CWF19L1: variants seen among roughly 807,000 people sequenced by gnomAD.
The protein encoded by CWF19L1 is CWF19 like cell cycle control factor 1.
Under a neutral mutation model 69.7 loss-of-function variants are expected in CWF19L1, and 60 were observed. The ratio of observed to expected loss-of-function variants is 0.86; its 90% CI spans 0.70 to 1.07. The LOEUF is 1.07. Among genes scored for constraint, CWF19L1 ranks in the 50% least tolerant of loss-of-function variants. The pLI, the probability that CWF19L1 is intolerant of heterozygous loss-of-function variation, is 0.00. For synonymous variants in CWF19L1, 209 were observed against 222.2 expected, an observed-to-expected ratio of 0.94 and a Z score of 0.53; for missense variants, 591 against 638.9, an observed-to-expected ratio of 0.92 and a Z score of 0.81.
In CWF19L1 at chr10:100,260,898, C is replaced by G. The variant is rs2134321660; in HGVS notation, c.187+68G>C. On this transcript the variant is annotated intron_variant, in intron 3 of 13. Coordinates refer to ENST00000354105, the MANE Select transcript of CWF19L1 (RefSeq NM_018294.6). ...TAAATTCTTAAATAATGAAAAACAA[C>G]TCTGCAAGAACTCTGGCCCTTGAAA... 4 of 949,932 alleles carry G rather than the reference C, an allele frequency of 4.2e-6. 1 individual carries two copies. Among genetic ancestry groups the G allele is most frequent in the Middle Eastern group, 5.7e-4 (2 of 3,506 alleles). 58.8% of individuals were successfully genotyped at this position (949,932 alleles called of 1,614,324 possible). A position where few individuals can be genotyped will look rare whatever the true frequency, so the allele number is the denominator to read the frequency against.
chr10:100,256,185 A>G, intron 5 of CWF19L1, 77 bp downstream of exon 5: 1 of 1,112,220 alleles, frequency 9.0e-7, no homozygotes, highest in Non-Finnish European at 1.4e-6. Context: ...CTCAATATAA[A>G]CAGGAAAAGA....
chr10:100,250,316 G>A lies in CWF19L1; in HGVS notation c.640C>T (p.Gln214Ter), dbSNP rs999193237. Residue 214 changes from glutamine (Q) to a stop codon, truncating the protein, a stop_gained, in exon 7 of 14, where the codon CAG becomes TAG. Transcript: ENST00000354105. LOFTEE classifies it high-confidence loss of function. The part of the protein sequence containing the change: ...RLPYRNHIIL[Q>*]ENAQHATRFI... The stretch of plus-strand genomic sequence containing the variant: ...CGGGTGGCATGCTGTGCATTTTCCT[G>A]TAGAATGATATGGTTTCTACAACAT... The A allele has an allele frequency of 1.2e-6, 2 of 1,609,652 alleles. No individual in the cohort carries two copies. Among genetic ancestry groups the A allele is most frequent in the South Asian group, 1.1e-5 (1 of 90,992 alleles).
chr10:100,248,034 G>A (rs1846888321), intron 7 of CWF19L1, among the ~76,000 whole-genome samples: 1 of 152,148 alleles, frequency 6.6e-6, no homozygotes, highest in Non-Finnish European at 1.5e-5. Flanking sequence ...TTTATAATGT[G>A]CACACCTTTT....
chr10:100,252,905 A>G (rs1208430948), intron 6 of CWF19L1, among the ~76,000 whole-genome samples: 3 of 152,144 alleles, frequency 2.0e-5, no homozygotes, highest in Non-Finnish European at 4.4e-5. Context: ...GATAACTAAA[A>G]TTTGTATTTT....
chr10:100,246,468 T>C (rs192345244), intron 8 of CWF19L1, among the ~76,000 whole-genome samples: 1 of 152,282 alleles, frequency 6.6e-6, no homozygotes, highest in East Asian at 1.9e-4. Context: ...AATCACAAAT[T>C]ACATTGCTAT....
In CWF19L1 at chr10:100,246,026, C is replaced by T. The variant is rs185613571; in HGVS notation, c.850-113G>A. ...GCCATGCCATACCTATCTTTCTTCTCAGTCCTTTCTGCACACTCTAGGGAA... is the reference window on the plus strand; with the variant it reads ...GCCATGCCATACCTATCTTTCTTCTTAGTCCTTTCTGCACACTCTAGGGAA... On this transcript the variant is annotated intron_variant, in intron 8 of 13. Transcript: ENST00000354105. 190 of 769,266 alleles carry T rather than the reference C, an allele frequency of 2.5e-4. 2 individuals are homozygous for T. Among genetic ancestry groups the T allele is most frequent in the Admixed American group, 6.9e-4 (32 of 46,280 alleles). The allele number at this position is 769,266 out of a possible 1,614,324, so 47.7% of individuals were successfully genotyped here.
rs1846331391 is a variant in CWF19L1 at position 100,233,223 on chromosome 10, T to C, written c.*4A>G. The C allele has an allele frequency of 6.3e-7, 1 of 1,599,452 alleles. No individual in the cohort carries two copies. The highest frequency in any genetic ancestry group is 8.5e-7 in the Non-Finnish European group (1 of 1,173,430). Reference sequence around the variant, plus strand: ...GGAGTTCATAAAAAGTTCTTCCCTTTGTTTTAGTCATCCAGAGTAAAGTCA... The same window carrying C: ...GGAGTTCATAAAAAGTTCTTCCCTTCGTTTTAGTCATCCAGAGTAAAGTCA... On this transcript the variant is annotated 3_prime_UTR_variant, in exon 14 of 14. Transcript: ENST00000354105.
chr10:100,260,184 A>C lies in CWF19L1; in HGVS notation c.289+34T>G, dbSNP rs779457276. 16 of 1,478,094 alleles carry C rather than the reference A, an allele frequency of 1.1e-5. No individual in the cohort carries two copies. In the African/African-American group the frequency reaches 2.1e-4, roughly 20 times the overall value. 91.6% of individuals were successfully genotyped at this position (1,478,094 alleles called of 1,614,324 possible). On this transcript the variant is annotated intron_variant, in intron 4 of 13. Coordinates refer to ENST00000354105, the MANE Select transcript of CWF19L1 (RefSeq NM_018294.6). The stretch of plus-strand genomic sequence containing the variant: ...CTCCGTCTCAAAAACAAAAAACAAA[A>C]AACAAAAAAAAAATACAACAAGTAT...
chr10:100,240,582 T>C (rs1352217440), intron 10 of CWF19L1, among the ~76,000 whole-genome samples: 1 of 152,136 alleles, frequency 6.6e-6, no homozygotes, highest in Non-Finnish European at 1.5e-5. Context: ...GTTTCCTTGA[T>C]TGTTGCCCAG....
chr10:100,260,774 C>T (rs1847374099), intron 3 of CWF19L1, among the ~76,000 whole-genome samples, 192 bp downstream of exon 3: 2 of 152,116 alleles, frequency 1.3e-5, no homozygotes, highest in Admixed American at 1.3e-4. Flanking sequence ...CCACATGCCT[C>T]GGCCTCCCAA....
In CWF19L1 at chr10:100,256,450, A is replaced by G; in HGVS notation, c.316T>C (p.Ser106Pro). 1 of 1,614,214 alleles carries G rather than the reference A, an allele frequency of 6.2e-7. No homozygotes were observed. Among genetic ancestry groups the G allele is most frequent in the Non-Finnish European group, 8.5e-7 (1 of 1,180,038 alleles). Residue 106 changes from serine to proline, a missense_variant, in exon 5 of 14, where the codon TCG becomes CCG. Ser to Pro is a moderately conservative substitution (Grantham distance 74). This residue lies in a region of CWF19L1 where 129 missense variants were observed against 131.3 expected (regional missense o/e 0.98). Transcript: ENST00000354105. ...LGRKGIFTGSSGLQIVYLSGT... is the reference protein window; with the variant it reads ...LGRKGIFTGSPGLQIVYLSGT... ...CTGAGGTACACAATCTGCAGCCCCG[A>G]GCTTCCAGTGAAGATACCTTTACGA...
chr10:100,247,625 C>T (rs200263545), intron 7 of CWF19L1, among the ~76,000 whole-genome samples: 4 of 152,116 alleles, frequency 2.6e-5, no homozygotes, highest in East Asian at 3.8e-4. Context: ...CTGGGGGTGG[C>T]GGCTCATGCC....
intron 10 of CWF19L1, 42 bp from the exon 11 acceptor site, chr10:100,238,273 G>A: frequency 1.3e-6 from 2 of 1,575,756 alleles, no homozygotes; most frequent in Non-Finnish European, 1.7e-6. Context: ...AATACAGCAT[G>A]TAGGATTCTC....
Position 100,246,541 on chromosome 10 carries a change from C to A in CWF19L1, c.849+254G>T, listed in dbSNP as rs184073332. ...ATAATCACTTTAGACAAAGACTTTACAAATAAAACTGTAACCCCAAACGTC... is the reference window on the plus strand; with the variant it reads ...ATAATCACTTTAGACAAAGACTTTAAAAATAAAACTGTAACCCCAAACGTC... On this transcript the variant is annotated intron_variant, in intron 8 of 13. Coordinates refer to ENST00000354105, the MANE Select transcript of CWF19L1 (RefSeq NM_018294.6). 3.1e-3 allele frequency among the ~76,000 whole-genome samples: 466 copies of A among 152,270 alleles called. 1 individual carries two copies. Among genetic ancestry groups the A allele is most frequent in the African/African-American group, 0.011 (444 of 41,564 alleles).
intron 3 of CWF19L1, 98 bp from the exon 4 acceptor site, chr10:100,260,417 A>C: frequency 1.5e-6 from 1 of 651,062 alleles, no homozygotes; most frequent in Non-Finnish European, 2.7e-6. Flanking sequence ...ATTAAAAGTA[A>C]ATAGTCCATG....
intron 4 of CWF19L1, among the ~76,000 whole-genome samples, chr10:100,259,519 T>A (rs1282775846): frequency 2.0e-5 from 3 of 152,322 alleles, no homozygotes; most frequent in East Asian, 3.9e-4. Flanking sequence ...AAGCTGTATA[T>A]ACCTAGCAAG....
At position 100,256,282 on chromosome 10, in the gene CWF19L1, C is replaced by A; in HGVS notation, c.484G>T (p.Gly162Trp). The A allele has an allele frequency of 1.2e-6, 2 of 1,614,004 alleles. No individual in the cohort carries two copies. The highest frequency in any genetic ancestry group is 1.7e-6 in the Non-Finnish European group (2 of 1,179,908). ...CTCACAGAAGAATTCCCAAAGTTCC[C>A]CACACACTTGGGCCATGGGGATGTG... is the stretch of plus-strand genomic sequence containing the variant. ...LLTSPWPKCV[G>W]NFGNSSGEVD... The change falls in exon 5 of 14, where the codon GGG becomes TGG. Residue 162 changes from glycine to tryptophan, a missense_variant. Gly to Trp is a radical substitution (Grantham distance 184). Coordinates refer to ENST00000354105, the MANE Select transcript of CWF19L1 (RefSeq NM_018294.6).
intron 1 of CWF19L1, among the ~76,000 whole-genome samples, chr10:100,264,349 T>A (rs936007201): frequency 6.6e-6 from 1 of 151,932 alleles, no homozygotes. Context: ...CTCGAGACCA[T>A]CCTGGTTAAC....
At chr10:100,251,480 A>T (rs1376226145) in intron 6 of CWF19L1, among the ~76,000 whole-genome samples, 1 of 148,184 alleles carries the variant, frequency 6.7e-6, no homozygotes, top group Non-Finnish European at 1.5e-5. Context: ...TAATGATAAG[A>T]GCATCTTTTT....
Sources: allele counts gnomAD v4.1 joint callset (sites outside exome capture counted in the v4.1 genomes callset), GRCh38; gene constraint gnomAD v4.1.1; regional missense constraint gnomAD v4.1.1; transcripts MANE v1.5; gene names NCBI Gene and HGNC (gene_info 2026-07-23, HGNC 2026-07-21).